The following SCNN1B variants were observed in gnomAD, a reference collection of about 807,000 sequenced individuals.
SCNN1B encodes the protein epithelial sodium channel subunit beta.
SCNN1B carries 46 observed loss-of-function variants against 65.3 expected under a neutral mutation model. The ratio of observed to expected loss-of-function variants is 0.70; its 90% CI spans 0.56 to 0.90. SCNN1B has a LOEUF of 0.90. SCNN1B is among the 40% of genes least tolerant of loss of function. The probability of loss-of-function intolerance (pLI) is 0.00; values close to 1 mark genes in which losing one functional copy is unlikely to be tolerated. For synonymous variants in SCNN1B, 349 were observed against 330.6 expected, an observed-to-expected ratio of 1.06 and a Z score of -0.60; for missense variants, 751 against 830.5, an observed-to-expected ratio of 0.90 and a Z score of 1.18.
chr16:23,321,634 T>C (rs193025771), intron 1 of SCNN1B, among the ~76,000 whole-genome samples: 128 of 152,248 alleles, frequency 8.4e-4, no homozygotes, highest in African/African-American at 2.8e-3. Context: ...CCCGGAGCAT[T>C]GACTCAAGGA....
chr16:23,321,480 T>C (rs971527428), intron 1 of SCNN1B, among the ~76,000 whole-genome samples: 2 of 152,064 alleles, frequency 1.3e-5, no homozygotes, highest in Non-Finnish European at 2.9e-5. Flanking sequence ...TCAAGTCCCA[T>C]AGGACAAGAC....
intron 1 of SCNN1B, among the ~76,000 whole-genome samples, chr16:23,329,964 C>G (rs1961776740): frequency 6.6e-6 from 1 of 151,260 alleles, no homozygotes; most frequent in South Asian, 2.1e-4. Context: ...CAGTTGGAGG[C>G]TGCGGTGAAT....
chr16:23,294,877 C>T (rs1960973874), intron 2 of SCNN1B, among the ~76,000 whole-genome samples: 1 of 152,052 alleles, frequency 6.6e-6, no homozygotes, highest in Non-Finnish European at 1.5e-5. Flanking sequence ...CCTGGAATCC[C>T]AGCTACTCGG....
At chr16:23,362,217 C>A (rs1390585148) in intron 4 of SCNN1B, among the ~76,000 whole-genome samples, 1 of 151,700 alleles carries the variant, frequency 6.6e-6, no homozygotes, top group Non-Finnish European at 1.5e-5. Context: ...TGTTGGCATG[C>A]ACCTGTAATC....
Position 23,380,647 on chromosome 16 carries a change from T to C in SCNN1B, c.1769T>C (p.Phe590Ser), listed in dbSNP as rs774098815. The C allele has an allele frequency of 8.1e-6, 13 of 1,613,090 alleles. No individual in the cohort carries two copies. Among genetic ancestry groups the C allele is most frequent in the Non-Finnish European group, 1.1e-5 (13 of 1,179,668 alleles). Residue 590 changes from phenylalanine (F) to serine (S), a missense_variant, in exon 13 of 13, where the codon TTC becomes TCC. Coordinates refer to ENST00000343070, the MANE Select transcript of SCNN1B (RefSeq NM_000336.3). This position sits in a 1 kb window ranked among gnomAD's most constrained non-coding sequence, Gnocchi z 5.4. ...GTGGAGGCCCACACCAACTTTGGCTTCCAGCCTGACACGGCCCCCCGCAGC... is the reference window on the plus strand; with the variant it reads ...GTGGAGGCCCACACCAACTTTGGCTCCCAGCCTGACACGGCCCCCCGCAGC... ...ELVEAHTNFGFQPDTAPRSPN... is the reference protein window; with the variant it reads ...ELVEAHTNFGSQPDTAPRSPN...
At chr16:23,331,001 G>T (rs569929464) in intron 1 of SCNN1B, among the ~76,000 whole-genome samples, 1 of 152,200 alleles carries the variant, frequency 6.6e-6, no homozygotes, top group Non-Finnish European at 1.5e-5. Context: ...TGTGGCCAGC[G>T]TTCTTTATCA....
At chr16:23,376,296 G>A (rs978233975) in intron 8 of SCNN1B, among the ~76,000 whole-genome samples, 2 of 152,006 alleles carry the variant, frequency 1.3e-5, no homozygotes, top group South Asian at 2.1e-4. Flanking sequence ...TTATGCACAG[G>A]CACAAATCAC....
intron 7 of SCNN1B, among the ~76,000 whole-genome samples, chr16:23,372,849 CAGCACTTTGGG>C (rs1452897660): frequency 1.3e-5 from 2 of 150,282 alleles, no homozygotes; most frequent in Non-Finnish European, 3.0e-5. Flanking sequence ...CCTGTAATCC[CAGCACTTTGGG>C]AGTGCGAAGC....
intron 2 of SCNN1B, among the ~76,000 whole-genome samples, chr16:23,291,792 G>A (rs997162253): frequency 1.3e-5 from 2 of 150,484 alleles, no homozygotes; most frequent in Non-Finnish European, 3.0e-5. Context: ...TGTTGCCCAG[G>A]CTGGTCTCCA....
intron 2 of SCNN1B, among the ~76,000 whole-genome samples, chr16:23,287,762 G>C (rs990504122): frequency 2.0e-5 from 3 of 151,646 alleles, no homozygotes; most frequent in Admixed American, 1.3e-4. Flanking sequence ...AAAGATCTGG[G>C]GTTCATTTTG....
intron 4 of SCNN1B, among the ~76,000 whole-genome samples, chr16:23,364,128 T>A (rs1379658778): frequency 1.3e-5 from 2 of 152,168 alleles, no homozygotes; most frequent in African/African-American, 4.8e-5. Context: ...ATCATGCCAC[T>A]ACACTCCAGC....
intron 1 of SCNN1B, among the ~76,000 whole-genome samples, chr16:23,311,412 C>T (rs1961341121): frequency 6.6e-6 from 1 of 152,228 alleles, no homozygotes; most frequent in Non-Finnish European, 1.5e-5. Context: ...GGACCTTAAG[C>T]AGGGGCTGGG....
chr16:23,366,380 A>ATTTT (rs770497278), intron 4 of SCNN1B, among the ~76,000 whole-genome samples: 1 of 117,114 alleles, frequency 8.5e-6, no homozygotes, highest in Admixed American at 8.3e-5. Flanking sequence ...TTTTTATTTT[A>ATTTT]TTTTATTTTT....
chr16:23,300,857 A>T (rs1961066144), upstream of SCNN1B, among the ~76,000 whole-genome samples: 1 of 152,144 alleles, frequency 6.6e-6, no homozygotes, highest in Non-Finnish European at 1.5e-5. Flanking sequence ...ATTGTAAAAA[A>T]GCCTTTTATT....
At position 23,295,742 on chromosome 16, in the gene SCNN1B, C is replaced by T. The variant is rs555660056; in HGVS notation, n.178+11938C>T. Among the ~76,000 whole-genome samples, 8 of 152,234 alleles carry T rather than the reference C, an allele frequency of 5.3e-5. No individual in the cohort carries two copies. In the South Asian group the frequency reaches 1.5e-3, roughly 28 times the overall value. ...TATTATCATTCATTTCACCCCTGCA[C>T]GTTTAGGAAGTTCTTAGGGTAGTAC... On this transcript the variant is annotated intron_variant and non_coding_transcript_variant, in intron 2 of 3. Coordinates refer to the SCNN1B transcript ENST00000569789.
intron 1 of SCNN1B, among the ~76,000 whole-genome samples, chr16:23,318,572 G>A (rs994129030): frequency 2.6e-5 from 4 of 152,104 alleles, no homozygotes; most frequent in African/African-American, 9.7e-5. Flanking sequence ...TTGCGCCAAG[G>A]CACTCCAGCC....
intron 4 of SCNN1B, among the ~76,000 whole-genome samples, chr16:23,357,760 T>A (rs988617115): frequency 4.6e-5 from 7 of 152,180 alleles, no homozygotes; most frequent in Admixed American, 1.3e-4. Flanking sequence ...TGGGATACCC[T>A]CTTCCTTGAG....
chr16:23,288,217 G>A (rs184899795), intron 2 of SCNN1B, among the ~76,000 whole-genome samples: 426 of 151,986 alleles, frequency 2.8e-3, no homozygotes, highest in African/African-American at 0.01. Context: ...TTATTAGCTA[G>A]GATATATCTA....
chr16:23,300,042 G>A (rs1163981955), upstream of SCNN1B, among the ~76,000 whole-genome samples: 1 of 152,148 alleles, frequency 6.6e-6, no homozygotes, highest in Non-Finnish European at 1.5e-5. Context: ...TCCTTTGCAG[G>A]GACATGGATG....
Sources: gnomAD v4.1 joint callset for allele counts (sites outside exome capture counted in the v4.1 genomes callset) on GRCh38, gnomAD v4.1.1 for gene constraint, Gnocchi (gnomAD v3.1) non-coding constraint, MANE v1.5 for transcripts, NCBI Gene and HGNC (gene_info 2026-07-23, HGNC 2026-07-21) for gene names.